Variants in SGTB observed in about 807,000 individuals in gnomAD.
SGTB encodes small glutamine rich tetratricopeptide repeat co-chaperone beta.
In SGTB, 19 loss-of-function variants were observed where a neutral mutation model predicts 43.9. The observed-to-expected ratio is 0.43, with a 90% CI of 0.30 to 0.63. The LOEUF is 0.63. SGTB is among the 30% of genes least tolerant of loss of function. The pLI is 0.12. For missense variants in SGTB, 304 were observed against 358.9 expected (o/e 0.85, Z 1.24); for synonymous variants, 116 against 117.3 (o/e 0.99, Z 0.07).
In SGTB at chr5:65,721,428, C is replaced by G. The variant is rs533431528; in HGVS notation, c.-23+489G>C. Among the ~76,000 whole-genome samples the G allele has an allele frequency of 1.1e-4, 16 of 152,318 alleles. No individual in the cohort carries two copies. The East Asian group carries it at 3.1e-3, about 29-fold the overall frequency. ...TGGATACTACAAGCCGACCGGCGCT[C>G]CCTGCAGAGGCTGTGCTCTCGTGGA... On this transcript the variant is annotated intron_variant, in intron 1 of 10. Transcript: ENST00000381007.
intron 3 of SGTB, among the ~76,000 whole-genome samples, chr5:65,709,403 G>A (rs1348844154): frequency 1.5e-4 from 21 of 142,688 alleles, no homozygotes; most frequent in Non-Finnish European, 2.7e-4. Context: ...TTTTTGAGAT[G>A]GAGTCTCGCT....
chr5:65,719,424 T>C (rs1318221803), intron 2 of SGTB, among the ~76,000 whole-genome samples: 1 of 151,672 alleles, frequency 6.6e-6, no homozygotes, highest in East Asian at 1.9e-4. Flanking sequence ...ACTCTGTCTC[T>C]ACAAAAAAAA....
At chr5:65,712,846 C>T in intron 3 of SGTB, 115 bp downstream of exon 3, 1 of 680,760 alleles carries the variant, frequency 1.5e-6, no homozygotes, top group Non-Finnish European at 2.5e-6. Context: ...GACTATTTAC[C>T]TTATATACAG....
chr5:65,695,033 T>TGAACA (rs10646944), intron 5 of SGTB, among the ~76,000 whole-genome samples: 26 of 151,416 alleles, frequency 1.7e-4, no homozygotes, highest in African/African-American at 6.3e-4. Flanking sequence ...TTGGAACTAC[T>TGAACA]GAAAGCAAGC....
chr5:65,701,930 G>A (rs1003530844), intron 5 of SGTB, among the ~76,000 whole-genome samples: 25 of 152,200 alleles, frequency 1.6e-4, no homozygotes, highest in African/African-American at 5.8e-4. Context: ...ACTGCGCCCG[G>A]CCTAAATTAA....
At chr5:65,675,957 C>T (rs1040559025) in intron 8 of SGTB, among the ~76,000 whole-genome samples, 4 of 152,140 alleles carry the variant, frequency 2.6e-5, no homozygotes, top group African/African-American at 7.2e-5. Context: ...CAGCTAGCAT[C>T]ATGATGACAG....
intron 5 of SGTB, among the ~76,000 whole-genome samples, chr5:65,703,853 C>CGT (rs1757869176): frequency 6.6e-6 from 1 of 151,940 alleles, no homozygotes; most frequent in South Asian, 2.1e-4. Context: ...CTGGCTAACA[C>CGT]GGTGAAACCC....
intron 10 of SGTB, 114 bp from the exon 11 acceptor site, chr5:65,670,471 A>G: frequency 1.3e-6 from 1 of 767,144 alleles, no homozygotes; most frequent in South Asian, 1.8e-5. Flanking sequence ...TTCTATAAAA[A>G]CAAGTTTCAG....
chr5:65,666,307 T>G lies in SGTB; in HGVS notation c.*3939A>C, dbSNP rs1250569963. On this transcript the variant is annotated 3_prime_UTR_variant, in exon 11 of 11. Transcript: ENST00000381007. ...TACACATATTTTTCATAGTTTTAAG[T>G]AAAGATTAAATAATGCCATCTTAGA... 1 of 152,174 alleles carries G rather than the reference T, an allele frequency of 6.6e-6. No homozygotes were observed. Among genetic ancestry groups the G allele is most frequent in the African/African-American group, 2.4e-5 (1 of 41,460 alleles). 9.4% of individuals were successfully genotyped at this position (152,174 alleles called of 1,614,324 possible). A position where few individuals can be genotyped will look rare whatever the true frequency, so the allele number is the denominator to read the frequency against.
chr5:65,720,623 C>G lies in SGTB; in HGVS notation c.100+85G>C, dbSNP rs200649776. ...ATCAAAAAAAATTCTGATTATGTTA[C>G]AATAGATCATCAAGTTGGGCTTACA... On this transcript the variant is annotated intron_variant, in intron 2 of 10. Transcript: ENST00000381007. 407 of 1,489,320 alleles carry G rather than the reference C, an allele frequency of 2.7e-4. 1 individual carries two copies. The East Asian group carries it at 8.8e-3, about 32-fold the overall frequency. 92.3% of individuals were successfully genotyped at this position (1,489,320 alleles called of 1,614,324 possible).
chr5:65,673,799 G>T (rs897945803), intron 8 of SGTB, among the ~76,000 whole-genome samples: 1 of 152,088 alleles, frequency 6.6e-6, no homozygotes, highest in African/African-American at 2.4e-5. Flanking sequence ...GGGATTACAG[G>T]CATGCACCAC....
At chr5:65,687,765 T>C (rs1024135685) in intron 5 of SGTB, among the ~76,000 whole-genome samples, 12 of 152,170 alleles carry the variant, frequency 7.9e-5, no homozygotes, top group African/African-American at 2.7e-4. Context: ...TTTTTTGTTA[T>C]TGTTGTTGTG....
chr5:65,706,341 T>C (rs1333746854), intron 4 of SGTB, among the ~76,000 whole-genome samples: 1 of 152,192 alleles, frequency 6.6e-6, no homozygotes, highest in East Asian at 1.9e-4. Context: ...ATTGAGACTT[T>C]GATGTTGCTG....
chr5:65,715,662 C>T (rs1758132740), intron 2 of SGTB, among the ~76,000 whole-genome samples: 1 of 152,164 alleles, frequency 6.6e-6, no homozygotes, highest in Admixed American at 6.5e-5. Context: ...GATTTCCTTC[C>T]TAGTAGGAGA....
intron 6 of SGTB, among the ~76,000 whole-genome samples, chr5:65,681,697 C>T (rs377765293): frequency 1.8e-4 from 27 of 151,980 alleles, no homozygotes; most frequent in African/African-American, 6.3e-4. Context: ...CCTGGCTGGG[C>T]GCAGTGGCCC....
chr5:65,691,857 G>A (rs977471498), intron 5 of SGTB, among the ~76,000 whole-genome samples: 1 of 151,294 alleles, frequency 6.6e-6, no homozygotes, highest in Non-Finnish European at 1.5e-5. Context: ...CGTGAACCCG[G>A]GAGGCGGAGC....
intron 5 of SGTB, among the ~76,000 whole-genome samples, chr5:65,698,646 G>T (rs1480393091): frequency 6.6e-6 from 1 of 151,882 alleles, no homozygotes; most frequent in Admixed American, 6.6e-5. Context: ...TCCAACAAAG[G>T]ACTAATACCC....
chr5:65,693,865 T>A (rs1757665522), intron 5 of SGTB, among the ~76,000 whole-genome samples: 1 of 152,198 alleles, frequency 6.6e-6, no homozygotes. Context: ...GCTAACCCTA[T>A]GCCAAGCTGT....
intron 5 of SGTB, among the ~76,000 whole-genome samples, chr5:65,701,749 C>CA (rs1757828600): frequency 6.6e-6 from 1 of 151,522 alleles, no homozygotes; most frequent in Non-Finnish European, 1.5e-5. Context: ...TCTCCTGCCT[C>CA]AGCCTCCTGA....
Sources: allele counts gnomAD v4.1 joint callset (sites outside exome capture counted in the v4.1 genomes callset), GRCh38; gene constraint gnomAD v4.1.1; transcripts MANE v1.5; gene names NCBI Gene and HGNC (gene_info 2026-07-23, HGNC 2026-07-21).